Variants in C8orf34 observed in about 807,000 individuals in gnomAD.
C8orf34 encodes chromosome 8 open reading frame 34.
Under a neutral mutation model 68.3 loss-of-function variants are expected in C8orf34, and 65 were observed. The ratio of observed to expected loss-of-function variants is 0.95; its 90% confidence interval spans 0.78 to 1.17. The LOEUF is 1.17. Among genes scored for constraint, C8orf34 ranks in the 50% most tolerant of loss-of-function variants. The pLI, the probability that C8orf34 is intolerant of heterozygous loss-of-function variation, is 0.00. For missense variants in C8orf34, 664 were observed against 655.4 expected (o/e 1.01, Z -0.14); for synonymous variants, 244 against 241.2 (o/e 1.01, Z -0.11).
At chr8:68,641,392 A>G (rs1819005957) in intron 8 of C8orf34, among the ~76,000 whole-genome samples, 1 of 152,206 alleles carries the variant, frequency 6.6e-6, no homozygotes, top group Admixed American at 6.5e-5. Flanking sequence ...AATAGAAAGG[A>G]CAGCTCTTAG....
intron 2 of C8orf34, among the ~76,000 whole-genome samples, chr8:68,441,992 G>A (rs1188681012): frequency 6.6e-6 from 1 of 152,122 alleles, no homozygotes; most frequent in Non-Finnish European, 1.5e-5. Context: ...TTTGGGGATG[G>A]GTCAAAGCAG....
chr8:68,379,311 C>T (rs1263792352), intron 1 of C8orf34, among the ~76,000 whole-genome samples: 1 of 152,082 alleles, frequency 6.6e-6, no homozygotes, highest in Non-Finnish European at 1.5e-5. Context: ...ATTTCAGGTC[C>T]ACTTCCTTCC....
rs142626883 is a variant in C8orf34, at chr8:68,766,383, A to G, written c.1405-10016A>G. ...CTCATATTCATATTTCACGGACCTT[A>G]GAGAATTTATACAGGTACTTTACAA... On this transcript the variant is annotated intron_variant, in intron 10 of 13. Coordinates refer to ENST00000518698, the MANE Select transcript of C8orf34 (RefSeq NM_052958.4). 3.8e-3 allele frequency among the ~76,000 whole-genome samples: 577 copies of G among 152,334 alleles called. 2 individuals are homozygous for G. The highest frequency in any genetic ancestry group is 0.013 in the African/African-American group (548 of 41,568).
At chr8:68,721,772 A>C (rs1329736901) in intron 10 of C8orf34, among the ~76,000 whole-genome samples, 1 of 152,030 alleles carries the variant, frequency 6.6e-6, no homozygotes, top group Non-Finnish European at 1.5e-5. Flanking sequence ...TTAGTAGTGA[A>C]GTCCTTGTAA....
chr8:68,524,035 T>G (rs1481658277), intron 6 of C8orf34, among the ~76,000 whole-genome samples: 1 of 152,200 alleles, frequency 6.6e-6, no homozygotes, highest in Non-Finnish European at 1.5e-5. Context: ...AAATAAAGCT[T>G]ATTGATGAGA....
chr8:68,547,759 G>A (rs1815933228), intron 7 of C8orf34, among the ~76,000 whole-genome samples: 1 of 151,540 alleles, frequency 6.6e-6, no homozygotes. Context: ...TCTGAAGAAA[G>A]AACAATGTCA....
chr8:68,342,974 G>T (rs1049017289), intron 1 of C8orf34, among the ~76,000 whole-genome samples: 1 of 152,110 alleles, frequency 6.6e-6, no homozygotes, highest in African/African-American at 2.4e-5. Context: ...ATTGTGAAGA[G>T]GAAAAGAAGA....
chr8:68,517,552 T>A (rs1418614111), intron 5 of C8orf34, among the ~76,000 whole-genome samples: 1 of 152,222 alleles, frequency 6.6e-6, no homozygotes, highest in Non-Finnish European at 1.5e-5. Context: ...CTACACCAGG[T>A]GGAGTTAAAC....
At chr8:68,743,676 G>A (rs1312823371) in intron 10 of C8orf34, among the ~76,000 whole-genome samples, 6 of 152,212 alleles carry the variant, frequency 3.9e-5, no homozygotes, top group South Asian at 4.1e-4. Context: ...CTTTCCCGAC[G>A]GGCTTAAAAA....
At chr8:68,361,050 C>T (rs760869501) in intron 1 of C8orf34, among the ~76,000 whole-genome samples, 9 of 152,074 alleles carry the variant, frequency 5.9e-5, no homozygotes, top group Non-Finnish European at 7.3e-5. Flanking sequence ...CCACCGCATC[C>T]GGCCTCCCCT....
At chr8:68,795,848 A>G (rs891684407) in intron 12 of C8orf34, among the ~76,000 whole-genome samples, 2 of 152,196 alleles carry the variant, frequency 1.3e-5, no homozygotes, top group Admixed American at 1.3e-4. Flanking sequence ...CCCAGCTGGT[A>G]TCACTCCCTT....
chr8:68,406,632 A>G (rs996572095), intron 1 of C8orf34, among the ~76,000 whole-genome samples: 4 of 151,954 alleles, frequency 2.6e-5, no homozygotes, highest in Non-Finnish European at 5.9e-5. Flanking sequence ...AGTAGCTGGG[A>G]CTATAGGCAC....
rs533825033 is a variant in C8orf34 at position 68,711,875 on chromosome 8, A to T, written c.1327+2796A>T. ...ATTGCAAAAAGATCATTACCTGCAC[A>T]CATAGTCATCAGGTTATCTAAAGTC... On this transcript the variant is annotated intron_variant, in intron 9 of 13. Transcript: ENST00000518698. Among the ~76,000 whole-genome samples, 225 of 152,310 alleles carry T rather than the reference A, an allele frequency of 1.5e-3. 1 individual carries two copies. Among genetic ancestry groups the T allele is most frequent in the African/African-American group, 5.3e-3 (219 of 41,580 alleles).
chr8:68,544,305 A>G (rs561032494), intron 7 of C8orf34, among the ~76,000 whole-genome samples: 1 of 152,304 alleles, frequency 6.6e-6, no homozygotes, highest in South Asian at 2.1e-4. Context: ...GCAAGAAAGA[A>G]TAAATCTCCC....
chr8:68,695,564 T>C (rs1375348208), intron 8 of C8orf34: 1 of 152,186 alleles, frequency 6.6e-6, no homozygotes, highest in Non-Finnish European at 1.5e-5. Context: ...GCTACTGAAA[T>C]ACAGAGAGTG....
intron 1 of C8orf34, among the ~76,000 whole-genome samples, chr8:68,382,202 G>C (rs1037227496): frequency 1.3e-5 from 2 of 152,142 alleles, no homozygotes; most frequent in African/African-American, 4.8e-5. Flanking sequence ...ACGTAGATCT[G>C]ATTACTTCCT....
Position 68,794,495 on chromosome 8 carries a change from ATATATATATAT to A in C8orf34, c.1549+6961_1549+6971del, listed in dbSNP as rs1824113809. On this transcript the variant is annotated intron_variant, in intron 12 of 13. Coordinates refer to ENST00000518698, the MANE Select transcript of C8orf34 (RefSeq NM_052958.4). The stretch of plus-strand genomic sequence containing the variant: ...TATATAAATATAAATATATATATAT[ATATATATATAT>A]TTTTTTTTTTTTTTTTTAGACAGGC... Among the ~76,000 whole-genome samples the A allele has an allele frequency of 5.9e-5, 5 of 85,366 alleles. 1 individual carries two copies. Among genetic ancestry groups the A allele is most frequent in the African/African-American group, 3.8e-4 (5 of 13,014 alleles). The allele number at this position is 85,366 out of a possible 152,430, so 56.0% of individuals were successfully genotyped here. A position where few individuals can be genotyped will look rare whatever the true frequency, so the allele number is the denominator to read the frequency against.
At chr8:68,355,894 A>T (rs1463667779) in intron 1 of C8orf34, among the ~76,000 whole-genome samples, 1 of 152,180 alleles carries the variant, frequency 6.6e-6, no homozygotes, top group African/African-American at 2.4e-5. Context: ...AATAGCACAC[A>T]CAACTCCAAC....
chr8:68,716,974 A>G (rs1048958706), intron 9 of C8orf34, among the ~76,000 whole-genome samples: 17 of 151,702 alleles, frequency 1.1e-4, no homozygotes, highest in Non-Finnish European at 2.4e-4. Context: ...AGGCATTCAG[A>G]TTTCTACTGT....
Sources: gnomAD v4.1 joint callset for allele counts (sites outside exome capture counted in the v4.1 genomes callset) on GRCh38, gnomAD v4.1.1 for gene constraint, MANE v1.5 for transcripts, NCBI Gene and HGNC (gene_info 2026-07-23, HGNC 2026-07-21) for gene names.